Variants in KHDRBS3 observed in about 807,000 individuals in gnomAD.
The protein encoded by KHDRBS3 is KH domain-containing, RNA-binding, signal transduction-associated protein 3.
In KHDRBS3, 23 loss-of-function variants were observed where a neutral mutation model predicts 45.6. The observed-to-expected ratio is 0.50, with a 90% confidence interval of 0.36 to 0.72. The LOEUF (loss-of-function observed/expected upper bound fraction) is 0.72, where lower values mean the gene tolerates loss of function less well. Ranked by LOEUF, KHDRBS3 falls within the 30% of genes least tolerant of loss-of-function variation. The pLI is 0.00. For missense variants in KHDRBS3, 352 were observed against 424.8 expected, an observed-to-expected ratio of 0.83 and a Z score of 1.51; for synonymous variants, 162 against 156.5, an observed-to-expected ratio of 1.04 and a Z score of -0.26.
chr8:135,561,340 G>C (rs796638904), intron 5 of KHDRBS3, among the ~76,000 whole-genome samples: 1 of 152,096 alleles, frequency 6.6e-6, no homozygotes, highest in African/African-American at 2.4e-5. Context: ...ATCATAGTCC[G>C]ATGAGGTGGG....
chr8:135,508,790 A>T (rs1375654179), intron 1 of KHDRBS3, among the ~76,000 whole-genome samples: 1 of 152,222 alleles, frequency 6.6e-6, no homozygotes, highest in Non-Finnish European at 1.5e-5. Context: ...AATTATTTAG[A>T]ATAGCTAAGG....
intron 1 of KHDRBS3, among the ~76,000 whole-genome samples, chr8:135,511,604 G>A (rs1586636606): frequency 6.6e-6 from 1 of 152,114 alleles, no homozygotes; most frequent in African/African-American, 2.4e-5. Flanking sequence ...CACCCAGGCT[G>A]GAGTGCAGTG....
intron 5 of KHDRBS3, among the ~76,000 whole-genome samples, chr8:135,567,845 C>T (rs985785276): frequency 9.2e-5 from 14 of 152,326 alleles, no homozygotes; most frequent in Middle Eastern, 3.4e-3. Flanking sequence ...ATTTAATTTG[C>T]AGGCCTATTG....
At chr8:135,492,516 C>CATATATATATATATATATACAT (rs3029812) in intron 1 of KHDRBS3, among the ~76,000 whole-genome samples, 15 of 145,854 alleles carry the variant, frequency 1.0e-4, no homozygotes, top group African/African-American at 3.0e-4. Context: ...TATATATATA[C>CATATATATATATATATATACAT]ATATATATAT....
intron 1 of KHDRBS3, among the ~76,000 whole-genome samples, chr8:135,489,573 G>T (rs1823035367): frequency 6.6e-6 from 1 of 152,024 alleles, no homozygotes; most frequent in Non-Finnish European, 1.5e-5. Flanking sequence ...AGCTACTCAG[G>T]AGGCTGAGGC....
chr8:135,570,722 C>T (rs1827660606), intron 5 of KHDRBS3, among the ~76,000 whole-genome samples: 1 of 152,096 alleles, frequency 6.6e-6, no homozygotes, highest in African/African-American at 2.4e-5. Context: ...TGTATTTAAT[C>T]CCAACTAGGC....
chr8:135,484,597 A>G (rs76754422), intron 1 of KHDRBS3, among the ~76,000 whole-genome samples: 6,683 of 152,322 alleles, frequency 0.044, 195 homozygotes, highest in African/African-American at 0.08. Context: ...TTTTAATGTT[A>G]ACTCTCTACT....
intron 2 of KHDRBS3, among the ~76,000 whole-genome samples, chr8:135,535,072 C>T (rs1179990655): frequency 2.0e-5 from 3 of 151,874 alleles, no homozygotes; most frequent in African/African-American, 7.3e-5. Context: ...TTCAATTTGG[C>T]AGTAGTTTGT....
chr8:135,630,482 A>ATGTATGTATGTATGTATGT (rs139262033), intron 7 of KHDRBS3, among the ~76,000 whole-genome samples: 2 of 150,886 alleles, frequency 1.3e-5, no homozygotes, highest in Non-Finnish European at 2.9e-5. Context: ...TATAAAGTTT[A>ATGTATGTATGTATGTATGT]ATGTATGTAT....
At chr8:135,516,150 T>C (rs1409753517) in intron 1 of KHDRBS3, among the ~76,000 whole-genome samples, 1 of 152,218 alleles carries the variant, frequency 6.6e-6, no homozygotes, top group African/African-American at 2.4e-5. Flanking sequence ...CAATGGTAAG[T>C]ATTTTGTGTA....
intron 2 of KHDRBS3, among the ~76,000 whole-genome samples, chr8:135,522,604 G>A (rs552241550): frequency 6.6e-6 from 1 of 152,070 alleles, no homozygotes; most frequent in East Asian, 1.9e-4. Flanking sequence ...AGCTTTTGAT[G>A]GTATATTGGT....
chr8:135,626,532 G>C lies in KHDRBS3; in HGVS notation c.891-18527G>C, dbSNP rs531566927. Among the ~76,000 whole-genome samples, 7 of 152,270 alleles carry C rather than the reference G, an allele frequency of 4.6e-5. No individual in the cohort carries two copies. The South Asian group carries it at 6.2e-4, about 14-fold the overall frequency. On this transcript the variant is annotated intron_variant, in intron 7 of 8. Coordinates refer to ENST00000355849, the MANE Select transcript of KHDRBS3 (RefSeq NM_006558.3). Reference sequence around the variant, plus strand: ...AAGAGGCACAGTGGGGGCCGGGCGCGGTGGCTCACGCCTGTAATCCCAGCA... The same window carrying C: ...AAGAGGCACAGTGGGGGCCGGGCGCCGTGGCTCACGCCTGTAATCCCAGCA...
chr8:135,600,347 G>A (rs1829152289), intron 6 of KHDRBS3, among the ~76,000 whole-genome samples: 1 of 152,178 alleles, frequency 6.6e-6, no homozygotes, highest in Admixed American at 6.5e-5. Flanking sequence ...TAGTCCAGTT[G>A]AAGAATTCTG....
chr8:135,603,096 C>G (rs897651128), intron 6 of KHDRBS3, among the ~76,000 whole-genome samples: 2 of 150,958 alleles, frequency 1.3e-5, no homozygotes, highest in Admixed American at 1.3e-4. Context: ...TTTTCTTCCA[C>G]TTTTCTCTTT....
chr8:135,484,326 T>G (rs1207861855), intron 1 of KHDRBS3, among the ~76,000 whole-genome samples: 1 of 152,212 alleles, frequency 6.6e-6, no homozygotes, highest in East Asian at 1.9e-4. Context: ...CGCTAGACCT[T>G]CTTCCCTAAG....
intron 1 of KHDRBS3, among the ~76,000 whole-genome samples, chr8:135,469,403 T>C (rs1267571942): frequency 6.6e-6 from 1 of 151,896 alleles, no homozygotes. Flanking sequence ...TCCTGCCTCC[T>C]CAGCCTCCCG....
At chr8:135,610,368 T>G (rs1829659562) in intron 7 of KHDRBS3, among the ~76,000 whole-genome samples, 1 of 151,882 alleles carries the variant, frequency 6.6e-6, no homozygotes, top group South Asian at 2.1e-4. Flanking sequence ...AACCCAGGCT[T>G]TTAAAGCTCA....
intron 1 of KHDRBS3, chr8:135,458,176 G>A: frequency 7.5e-7 from 1 of 1,328,178 alleles, no homozygotes; most frequent in Non-Finnish European, 9.6e-7. Context: ...GAAGGCTGGG[G>A]CGCATGGGTG....
At chr8:135,573,559 G>T (rs750180195) in intron 5 of KHDRBS3, among the ~76,000 whole-genome samples, 3 of 152,176 alleles carry the variant, frequency 2.0e-5, no homozygotes, top group Non-Finnish European at 4.4e-5. Context: ...ATTAACCCCA[G>T]TTTACAGATA....
Sources: allele counts gnomAD v4.1 joint callset (sites outside exome capture counted in the v4.1 genomes callset), GRCh38; gene constraint gnomAD v4.1.1; transcripts MANE v1.5; gene names NCBI Gene and HGNC (gene_info 2026-07-23, HGNC 2026-07-21).